Variants in RACK1 observed in about 807,000 individuals in gnomAD.
RACK1 encodes the protein receptor for activated C kinase 1, also known as small ribosomal subunit protein RACK1.
RACK1 carries 3 observed loss-of-function variants against 42.2 expected under a neutral mutation model. That is an observed-to-expected ratio of 0.07 (90% confidence interval 0.03 to 0.18). The LOEUF (loss-of-function observed/expected upper bound fraction) is 0.18. RACK1 is among the 10% of genes least tolerant of loss of function. The probability of loss-of-function intolerance (pLI) is 1.00; values close to 1 mark genes in which losing one functional copy is unlikely to be tolerated. For synonymous variants in RACK1, 181 were observed against 154.8 expected, an observed-to-expected ratio of 1.17 and a Z score of -1.25; for missense variants, 146 against 403.2, an observed-to-expected ratio of 0.36 and a Z score of 5.46.
intron 1 of RACK1, 63 bp downstream of exon 1, chr5:181,243,629 A>G: frequency 6.5e-7 from 1 of 1,535,474 alleles, no homozygotes; most frequent in Non-Finnish European, 8.8e-7. Flanking sequence ...GGAATTCCCT[A>G]CACGACACGC....
chr5:181,242,407 A>T, intron 1 of RACK1, 62 bp from the exon 2 acceptor site: 1 of 1,119,056 alleles, frequency 8.9e-7, no homozygotes, highest in Middle Eastern at 2.0e-4. Flanking sequence ...AACACACTGG[A>T]TAATTCACTA....
chr5:181,242,286 G>A lies in RACK1; in HGVS notation c.169C>T (p.Arg57Cys). 2 of 1,613,662 alleles carry A rather than the reference G, an allele frequency of 1.2e-6. No individual in the cohort carries two copies. The highest frequency in any genetic ancestry group is 1.7e-6 in the Non-Finnish European group (2 of 1,179,526). Residue 57 changes from arginine (R) to cysteine (C), a missense_variant, in exon 2 of 8, where the codon CGT becomes TGT. By Grantham distance (180) the Arg-to-Cys change is radical (BLOSUM62 -3). Transcript: ENST00000512805. Reference protein sequence around the residue: ...RDETNYGIPQRALRGHSHFVS... With the variant: ...RDETNYGIPQCALRGHSHFVS... ...AAGTGGGAGTGACCCCGCAGAGCAC[G>A]CTGTGGAATTCCATAGTTGGTCTCA...
At chr5:181,237,164 CA>C (rs761832808) in intron 7 of RACK1, 122 bp from the exon 8 acceptor site, 3 of 1,534,844 alleles carry the variant, frequency 2.0e-6, no homozygotes, top group African/African-American at 2.7e-5. Flanking sequence ...GGCTGGAGTG[CA>C]GGGGTGCGAT....
rs1759228676 is a variant in RACK1 at position 181,238,784 on chromosome 5, G to A, written c.636+283C>T. 3 of 401,750 alleles carry A rather than the reference G, an allele frequency of 7.5e-6. No homozygotes were observed. The Admixed American group carries it at 1.1e-4, about 14-fold the overall frequency. 24.9% of individuals were successfully genotyped at this position (401,750 alleles called of 1,614,324 possible). ...ACTGCACTCCAGCCTTGGCAGCCGA[G>A]TGAGACTCCGTCTCAAAAAAAAAAC... On this transcript the variant is annotated intron_variant, in intron 5 of 7. Transcript: ENST00000512805.
At chr5:181,239,874 G>C (rs1279874708) in intron 3 of RACK1, among the ~76,000 whole-genome samples, 7 of 151,646 alleles carry the variant, frequency 4.6e-5, no homozygotes, top group Middle Eastern at 3.4e-3. Context: ...GTGAAACCCT[G>C]TCTCTACCAA....
At chr5:181,243,378 C>T in intron 1 of RACK1, 1 of 1,410,778 alleles carries the variant, frequency 7.1e-7, no homozygotes, top group Non-Finnish European at 9.4e-7. Context: ...CATCACCGCC[C>T]CGCCCGGCCC....
At chr5:181,243,344 G>C (rs1206753026) in intron 1 of RACK1, 3 of 1,374,078 alleles carry the variant, frequency 2.2e-6, no homozygotes, top group African/African-American at 2.9e-5. Flanking sequence ...TTTCAGCACC[G>C]ACACTCAGAT....
intron 4 of RACK1, 133 bp downstream of exon 4, chr5:181,239,354 G>C (rs763867674): frequency 5.1e-6 from 4 of 784,202 alleles, no homozygotes; most frequent in Non-Finnish European, 4.6e-6. Context: ...TGACTTACAA[G>C]GGACATCAGA....
intron 6 of RACK1, 108 bp downstream of exon 6, chr5:181,237,991 G>A (rs1759204382): frequency 8.2e-7 from 1 of 1,219,950 alleles, no homozygotes; most frequent in Admixed American, 1.8e-5. Flanking sequence ...CGTGGAGGCT[G>A]AGAAAGCTTA....
At chr5:181,237,499 C>T (rs2113207788) in intron 7 of RACK1, 110 bp downstream of exon 7, 2 of 725,550 alleles carry the variant, frequency 2.8e-6, no homozygotes, top group Non-Finnish European at 5.0e-6. Flanking sequence ...TGTCATTTCA[C>T]TTTATGCCAA....
chr5:181,239,625 C>A (rs777992366), intron 3 of RACK1, 43 bp from the exon 4 acceptor site: 74 of 1,329,256 alleles, frequency 5.6e-5, no homozygotes, highest in Non-Finnish European at 7.4e-5. Context: ...AGTCCTATCC[C>A]ATGAAATGCT....
intron 3 of RACK1, chr5:181,241,171 G>A (rs1167286702): frequency 1.4e-5 from 3 of 210,124 alleles, no homozygotes; most frequent in Non-Finnish European, 2.8e-5. Flanking sequence ...GCTCACGCCT[G>A]TAATCCCAAC....
At chr5:181,241,834 A>C (rs1409975188) in intron 2 of RACK1, 195 bp from the exon 3 acceptor site, 1 of 783,484 alleles carries the variant, frequency 1.3e-6, no homozygotes, top group Non-Finnish European at 2.3e-6. Context: ...GAATTGCAGG[A>C]CATGTCCTCA....
intron 2 of RACK1, 52 bp downstream of exon 2, chr5:181,242,112 ATCCACCTCAC>A: frequency 4.9e-6 from 7 of 1,440,862 alleles, no homozygotes; most frequent in Non-Finnish European, 6.7e-6. Flanking sequence ...AGCCAATTGC[ATCCACCTCAC>A]TTCTGCCCAG....
At chr5:181,237,343 T>A (rs1398813951) in intron 7 of RACK1, 3 of 709,328 alleles carry the variant, frequency 4.2e-6, no homozygotes, top group Non-Finnish European at 7.7e-6. Context: ...CAGCTGGTGA[T>A]AAGGCTCCAG....
chr5:181,242,831 T>TTA, intron 1 of RACK1: 1 of 331,118 alleles, frequency 3.0e-6, no homozygotes, highest in Non-Finnish European at 5.9e-6. Context: ...AGTGCTGGGA[T>TTA]TATAGGCGTG....
chr5:181,237,148 T>C (rs1395494582), intron 7 of RACK1, 106 bp from the exon 8 acceptor site: 4 of 1,562,238 alleles, frequency 2.6e-6, no homozygotes, highest in African/African-American at 2.7e-5. Flanking sequence ...CTTGCTCCAT[T>C]GTCTAGGCTG....
chr5:181,243,111 G>C, intron 1 of RACK1: 1 of 470,066 alleles, frequency 2.1e-6, no homozygotes, highest in Non-Finnish European at 3.6e-6. Context: ...CAAATTTTAC[G>C]ATTAACAGCC....
rs59085681 is a variant in RACK1 at position 181,242,275 on chromosome 5, C to T, written c.180G>A (p.Arg60=). ...TNYGIPQRAL[R]GHSHFVSDVV... ...CATCACTAACAAAGTGGGAGTGACC[C>T]CGCAGAGCACGCTGTGGAATTCCAT... Residue 60 remains arginine, a synonymous_variant, in exon 2 of 8, where the codon CGG becomes CGA. Transcript: ENST00000512805. 4.5e-3 allele frequency: 7,256 copies of T among 1,613,564 alleles called. 119 individuals carry two copies. The African/African-American group carries it at 0.052, about 12-fold the overall frequency.
Sources: gnomAD v4.1 joint callset for allele counts (sites outside exome capture counted in the v4.1 genomes callset) on GRCh38, gnomAD v4.1.1 for gene constraint, MANE v1.5 for transcripts, NCBI Gene and HGNC (gene_info 2026-07-23, HGNC 2026-07-21) for gene names.